Variants in OPCML observed in about 807,000 individuals in gnomAD.
OPCML encodes the protein opioid binding protein/cell adhesion molecule like.
In OPCML, 13 loss-of-function variants were observed where a neutral mutation model predicts 37.8. The observed-to-expected ratio is 0.34, with a 90% CI of 0.22 to 0.55. The LOEUF (loss-of-function observed/expected upper bound fraction) is 0.55. Among genes scored for constraint, OPCML ranks in the 20% least tolerant of loss-of-function variants. The pLI is 0.91. For missense variants in OPCML, 341 were observed against 435.6 expected (o/e 0.78, Z 1.93); for synonymous variants, 176 against 168.8 (o/e 1.04, Z -0.33).
At chr11:133,125,650 C>G (rs369933249) in intron 1 of OPCML, among the ~76,000 whole-genome samples, 1 of 82,610 alleles carries the variant, frequency 1.2e-5, no homozygotes, top group African/African-American at 4.0e-5. Flanking sequence ...ATACATGTGT[C>G]TATATATACA....
intron 3 of OPCML, among the ~76,000 whole-genome samples, chr11:132,555,007 T>C (rs902648801): frequency 6.6e-6 from 1 of 151,576 alleles, no homozygotes; most frequent in African/African-American, 2.4e-5. Flanking sequence ...GGATGCACAC[T>C]TAGAGAGTCC....
intron 4 of OPCML, among the ~76,000 whole-genome samples, chr11:132,480,401 C>T (rs1256298635): frequency 6.6e-6 from 1 of 152,108 alleles, no homozygotes; most frequent in Non-Finnish European, 1.5e-5. Flanking sequence ...GATTGGTGTA[C>T]CTGAAAGTGA....
intron 1 of OPCML, among the ~76,000 whole-genome samples, chr11:133,527,953 G>A (rs1286464255): frequency 6.6e-6 from 1 of 152,226 alleles, no homozygotes; most frequent in African/African-American, 2.4e-5. Context: ...ATAGTTCCCA[G>A]TAGCTGGCAT....
intron 1 of OPCML, among the ~76,000 whole-genome samples, chr11:133,038,826 C>A (rs1488523900): frequency 3.6e-4 from 52 of 143,862 alleles, no homozygotes; most frequent in African/African-American, 3.3e-4. Flanking sequence ...TCTATGTTGC[C>A]AAAAAAAAAA....
At chr11:132,952,686 C>A (rs1945886388) in intron 1 of OPCML, among the ~76,000 whole-genome samples, 1 of 152,090 alleles carries the variant, frequency 6.6e-6, no homozygotes, top group African/African-American at 2.4e-5. Context: ...CCAATCCCAG[C>A]TCTGCTACTT....
At chr11:133,443,589 A>C (rs1946407890) in intron 1 of OPCML, among the ~76,000 whole-genome samples, 1 of 152,240 alleles carries the variant, frequency 6.6e-6, no homozygotes, top group Non-Finnish European at 1.5e-5. Flanking sequence ...ATTAGTAACC[A>C]GGTTACTTCA....
chr11:133,266,752 G>T (rs531469894), intron 1 of OPCML, among the ~76,000 whole-genome samples: 1 of 152,282 alleles, frequency 6.6e-6, no homozygotes, highest in East Asian at 1.9e-4. Flanking sequence ...TATAAAGTAT[G>T]AGTTAAAGTA....
chr11:132,570,825 T>G (rs2096436654), intron 3 of OPCML, among the ~76,000 whole-genome samples: 2 of 119,906 alleles, frequency 1.7e-5, no homozygotes, highest in African/African-American at 6.7e-5. Flanking sequence ...AGAGAGGATA[T>G]ATACTTTAGG....
chr11:133,282,164 A>C (rs1241116694), intron 1 of OPCML, among the ~76,000 whole-genome samples: 1 of 152,204 alleles, frequency 6.6e-6, no homozygotes, highest in Admixed American at 6.5e-5. Context: ...ACATGACTAA[A>C]AGGGAGCCAA....
Position 132,648,606 on chromosome 11 carries a change from G to A in OPCML, c.379+8481C>T, listed in dbSNP as rs1055146728. 4.7e-5 allele frequency among the ~76,000 whole-genome samples: 7 copies of A among 148,164 alleles called. No homozygotes were observed. The East Asian group carries it at 8.0e-4, about 17-fold the overall frequency. ...GTGATCTTGGCTCACTGCAACCTCCGCCTCCCTGCTTCAGCCTCCTGAGTA... is the reference window on the plus strand; with the variant it reads ...GTGATCTTGGCTCACTGCAACCTCCACCTCCCTGCTTCAGCCTCCTGAGTA... On this transcript the variant is annotated intron_variant, in intron 3 of 7. Coordinates refer to ENST00000524381, the MANE Select transcript of OPCML (RefSeq NM_001012393.5).
At chr11:132,503,684 C>A (rs557907208) in intron 4 of OPCML, among the ~76,000 whole-genome samples, 26 of 152,116 alleles carry the variant, frequency 1.7e-4, no homozygotes, top group African/African-American at 6.0e-4. Flanking sequence ...ACAAAAACCA[C>A]TAGAGGCAAT....
chr11:133,147,331 G>A lies in OPCML; in HGVS notation c.62-204321C>T, dbSNP rs1949911757. On this transcript the variant is annotated intron_variant, in intron 1 of 7. Transcript: ENST00000524381. Reference sequence around the variant, plus strand: ...CAGTAGGTCATGGGAGATTTGAGGAGTTATCACTTTTGATAGTCTGGAGGC... The same window carrying A: ...CAGTAGGTCATGGGAGATTTGAGGAATTATCACTTTTGATAGTCTGGAGGC... Among the ~76,000 whole-genome samples, 5 of 152,270 alleles carry A rather than the reference G, an allele frequency of 3.3e-5. No individual in the cohort carries two copies. The South Asian group carries it at 1.0e-3, about 32-fold the overall frequency.
chr11:132,985,586 T>C (rs1309937383), intron 1 of OPCML, among the ~76,000 whole-genome samples: 1 of 152,208 alleles, frequency 6.6e-6, no homozygotes, highest in African/African-American at 2.4e-5. Context: ...AATATTCCCT[T>C]AGATAAATTC....
chr11:132,490,779 C>A (rs971864285), intron 4 of OPCML, among the ~76,000 whole-genome samples: 8 of 150,986 alleles, frequency 5.3e-5, no homozygotes, highest in South Asian at 4.2e-4. Flanking sequence ...CCACTGCACT[C>A]CAGCCTGGGT....
intron 1 of OPCML, among the ~76,000 whole-genome samples, chr11:133,522,644 C>G (rs1445979597): frequency 1.3e-5 from 2 of 152,106 alleles, no homozygotes; most frequent in East Asian, 1.9e-4. Flanking sequence ...GATTGGGAGG[C>G]AAAGTTCAGT....
intron 1 of OPCML, among the ~76,000 whole-genome samples, chr11:132,991,565 G>A (rs755989955): frequency 1.3e-5 from 2 of 152,124 alleles, no homozygotes; most frequent in African/African-American, 2.4e-5. Flanking sequence ...AGGGCTCTAC[G>A]GTGAAGACCT....
At chr11:133,314,041 C>T (rs1178154658) in intron 1 of OPCML, among the ~76,000 whole-genome samples, 1 of 151,146 alleles carries the variant, frequency 6.6e-6, no homozygotes, top group African/African-American at 2.4e-5. Flanking sequence ...CGAGACCATC[C>T]CGGCTAACAC....
chr11:133,008,112 A>T, intron 1 of OPCML: 7 of 985,452 alleles, frequency 7.1e-6, no homozygotes, highest in Non-Finnish European at 7.2e-6. Flanking sequence ...TCTACTATGG[A>T]TCTTCAGTTC....
chr11:132,539,596 G>A (rs911100908), intron 3 of OPCML, among the ~76,000 whole-genome samples: 1 of 152,074 alleles, frequency 6.6e-6, no homozygotes, highest in African/African-American at 2.4e-5. Context: ...TAGTGATGGT[G>A]ATAGATGATG....
Sources: gnomAD v4.1 joint callset for allele counts (sites outside exome capture counted in the v4.1 genomes callset) on GRCh38, gnomAD v4.1.1 for gene constraint, MANE v1.5 for transcripts, NCBI Gene and HGNC (gene_info 2026-07-23, HGNC 2026-07-21) for gene names.